The following SUMO4 variants were observed in gnomAD, a reference collection of about 807,000 sequenced individuals.
SUMO4 encodes the protein small ubiquitin like modifier 4.
SUMO4 carries 6 observed loss-of-function variants against 7.7 expected under a neutral mutation model. The observed-to-expected ratio is 0.78, with a 90% confidence interval of 0.43 to 1.53. SUMO4 has a LOEUF of 1.53. Among genes scored for constraint, SUMO4 ranks in the 40% most tolerant of loss-of-function variants. The pLI is 0.01. For synonymous variants in SUMO4, 43 were observed against 41.2 expected (o/e 1.04, Z -0.17); for missense variants, 113 against 113.6 (o/e 0.99, Z 0.03).
Position 149,400,331 on chromosome 6 carries a change from T to G in SUMO4, c.-61T>G. On this transcript the variant is annotated 5_prime_UTR_variant, in exon 1 of 1. Transcript: ENST00000326669. ...GCTCTTCCTGCTGCTCGTGTACTCG[T>G]TAGGTGCGGACCCGCCACCTCTTTT... 6.4e-7 allele frequency: 1 copy of G among 1,557,098 alleles called. No homozygotes were observed. Among genetic ancestry groups the G allele is most frequent in the Non-Finnish European group, 8.7e-7 (1 of 1,145,634 alleles).
At position 149,400,937 on chromosome 6, in the gene SUMO4, G is replaced by A; in HGVS notation, c.*258G>A. ...ATTGACATCAAGTGGAGACAGGATG[G>A]GAAAAAATACTGATTCTGTGAAAAT... On this transcript the variant is annotated 3_prime_UTR_variant, in exon 1 of 1. Transcript: ENST00000326669. The A allele has an allele frequency of 2.3e-6, 1 of 441,438 alleles. No individual in the cohort carries two copies. Among genetic ancestry groups the A allele is most frequent in the Non-Finnish European group, 4.1e-6 (1 of 243,098 alleles). The allele number at this position is 441,438 out of a possible 1,614,324, so 27.3% of individuals were successfully genotyped here. A position where few individuals can be genotyped will look rare whatever the true frequency, so the allele number is the denominator to read the frequency against.
Position 149,400,455 on chromosome 6 carries a change from G to A in SUMO4, c.64G>A (p.Val22Met). ...TENNNHINLK[V>M]AGQDGSVVQF... ...GAACAACAATCATATTAATTTGAAG[G>A]TGGCGGGACAGGATGGTTCTGTGGT... Residue 22 changes from valine (V) to methionine (M), a missense_variant, in exon 1 of 1, where the codon GTG (valine) becomes ATG (methionine). Val to Met is a conservative substitution (Grantham distance 21, BLOSUM62 1). Coordinates refer to ENST00000326669, the MANE Select transcript of SUMO4 (RefSeq NM_001002255.2). The A allele has an allele frequency of 5.0e-6, 8 of 1,614,240 alleles. No individual in the cohort carries two copies. The South Asian group carries it at 8.8e-5, about 18-fold the overall frequency.
In SUMO4 at chr6:149,400,517, A is replaced by G; in HGVS notation, c.126A>G (p.Lys42=). Residue 42 remains lysine (K), a synonymous_variant, in exon 1 of 1, where the codon AAA becomes AAG. Coordinates refer to ENST00000326669, the MANE Select transcript of SUMO4 (RefSeq NM_001002255.2). ...TTAAGAGGCAGACACCACTTAGTAA[A>G]CTAATGAAAGCCTATTGTGAACCAC... ...FKIKRQTPLS[K]LMKAYCEPRG... is the part of the protein sequence containing the mutation. 6.2e-7 allele frequency: 1 copy of G among 1,614,252 alleles called. No homozygotes were observed. The highest frequency in any genetic ancestry group is 8.5e-7 in the Non-Finnish European group (1 of 1,180,040).
In SUMO4 at chr6:149,400,703, C is replaced by T. The variant is rs761269520; in HGVS notation, c.*24C>T. 2.5e-6 allele frequency: 4 copies of T among 1,606,554 alleles called. No homozygotes were observed. Among genetic ancestry groups the T allele is most frequent in the Non-Finnish European group, 3.4e-6 (4 of 1,176,704 alleles). Reference sequence around the variant, plus strand: ...GAAAAGGGAACCTGCTTCTTTACTCCAGAACGCTGTTCTTTAAAGACCAAG... The same window carrying T: ...GAAAAGGGAACCTGCTTCTTTACTCTAGAACGCTGTTCTTTAAAGACCAAG... On this transcript the variant is annotated 3_prime_UTR_variant, in exon 1 of 1. Transcript: ENST00000326669.
rs879136751 is a variant in SUMO4, at chr6:149,400,919, T to C, written c.*240T>C. The C allele has an allele frequency of 2.0e-6, 1 of 494,500 alleles. No individual in the cohort carries two copies. Among genetic ancestry groups the C allele is most frequent in the Non-Finnish European group, 3.6e-6 (1 of 275,476 alleles). 30.6% of individuals were successfully genotyped at this position (494,500 alleles called of 1,614,324 possible). A position where few individuals can be genotyped will look rare whatever the true frequency, so the allele number is the denominator to read the frequency against. On this transcript the variant is annotated 3_prime_UTR_variant, in exon 1 of 1. Coordinates refer to ENST00000326669, the MANE Select transcript of SUMO4 (RefSeq NM_001002255.2). ...AGCCAATGGTATGTTTTGATTGACA[T>C]CAAGTGGAGACAGGATGGGAAAAAA... is the stretch of plus-strand genomic sequence containing the variant.
rs762259994 is a variant in SUMO4 at position 149,400,681 on chromosome 6, A to G, written c.*2A>G. The stretch of plus-strand genomic sequence containing the variant: ...CAGCCTACGGGAGGTGTCTACTGAA[A>G]AGGGAACCTGCTTCTTTACTCCAGA... On this transcript the variant is annotated 3_prime_UTR_variant, in exon 1 of 1. Transcript: ENST00000326669. 2 of 1,613,318 alleles carry G rather than the reference A, an allele frequency of 1.2e-6. No individual in the cohort carries two copies. The highest frequency in any genetic ancestry group is 1.7e-6 in the Non-Finnish European group (2 of 1,179,602).
At position 149,400,682 on chromosome 6, in the gene SUMO4, A is replaced by G. The variant is rs1782353765; in HGVS notation, c.*3A>G. 15 of 1,613,234 alleles carry G rather than the reference A, an allele frequency of 9.3e-6. No homozygotes were observed. Among genetic ancestry groups the G allele is most frequent in the Non-Finnish European group, 1.3e-5 (15 of 1,179,560 alleles). ...AGCCTACGGGAGGTGTCTACTGAAA[A>G]GGGAACCTGCTTCTTTACTCCAGAA... On this transcript the variant is annotated 3_prime_UTR_variant, in exon 1 of 1. Transcript: ENST00000326669.
rs74321444 is a variant in SUMO4 at position 149,400,899 on chromosome 6, A to G, written c.*220A>G. ...CTTTTTTCTTCAAACCAAACAGCCAATGGTATGTTTTGATTGACATCAAGT... is the reference window on the plus strand; with the variant it reads ...CTTTTTTCTTCAAACCAAACAGCCAGTGGTATGTTTTGATTGACATCAAGT... On this transcript the variant is annotated 3_prime_UTR_variant, in exon 1 of 1. Transcript: ENST00000326669. The G allele has an allele frequency of 7.0e-3, 3,898 of 560,686 alleles. 119 individuals carry two copies. The highest frequency in any genetic ancestry group is 0.062 in the African/African-American group (3,275 of 52,534). The allele number at this position is 560,686 out of a possible 1,614,324, so 34.7% of individuals were successfully genotyped here.
rs769921334 is a variant in SUMO4, at chr6:149,400,572, C to T, written c.181C>T (p.Arg61Ter). The change falls in exon 1 of 1, where the codon CGA (arginine) becomes TGA (stop). Residue 61 changes from arginine to a stop codon, truncating the protein, a stop_gained. Transcript: ENST00000326669. LOFTEE classifies it high-confidence loss of function. ...ATTGTCAGTGAAGCAGATCAGATTC[C>T]GATTTGGTGGGCAACCAATCAGTGG... Reference protein sequence around the residue: ...RGLSVKQIRFRFGGQPISGTD... With the variant: ...RGLSVKQIRF 59 of 1,614,040 alleles carry T rather than the reference C, an allele frequency of 3.7e-5. No individual in the cohort carries two copies. The highest frequency in any genetic ancestry group is 4.5e-5 in the East Asian group (2 of 44,898).
In SUMO4 at chr6:149,400,817, C is replaced by T. The variant is rs553548233; in HGVS notation, c.*138C>T. ...AGTTTTCTCTATTCTTTTGTTTCCCCCTTCCACATTCTTTTATTATACATG... is the reference window on the plus strand; with the variant it reads ...AGTTTTCTCTATTCTTTTGTTTCCCTCTTCCACATTCTTTTATTATACATG... On this transcript the variant is annotated 3_prime_UTR_variant, in exon 1 of 1. Transcript: ENST00000326669. 1.3e-4 allele frequency: 127 copies of T among 970,556 alleles called. No homozygotes were observed. Among genetic ancestry groups the T allele is most frequent in the African/African-American group, 1.8e-4 (11 of 60,520 alleles). The allele number at this position is 970,556 out of a possible 1,614,324, so 60.1% of individuals were successfully genotyped here. A position where few individuals can be genotyped will look rare whatever the true frequency, so the allele number is the denominator to read the frequency against.
rs763258079 is a variant in SUMO4 at position 149,400,573 on chromosome 6, G to A, written c.182G>A (p.Arg61Gln). Residue 61 changes from arginine (R) to glutamine (Q), a missense_variant, in exon 1 of 1, where the codon CGA becomes CAA. Arg to Gln is a conservative substitution (Grantham distance 43, BLOSUM62 1). Transcript: ENST00000326669. ...TTGTCAGTGAAGCAGATCAGATTCC[G>A]ATTTGGTGGGCAACCAATCAGTGGA... ...RGLSVKQIRFRFGGQPISGTD... is the reference protein window; with the variant it reads ...RGLSVKQIRFQFGGQPISGTD... 48 of 1,614,086 alleles carry A rather than the reference G, an allele frequency of 3.0e-5. No homozygotes were observed. Among genetic ancestry groups the A allele is most frequent in the South Asian group, 1.2e-4 (11 of 91,086 alleles).
Position 149,400,671 on chromosome 6 carries a change from G to A in SUMO4, c.280G>A (p.Val94Ile), listed in dbSNP as rs145654400. Residue 94 changes from valine (V) to isoleucine (I), a missense_variant, in exon 1 of 1, where the codon GTC (valine) becomes ATC (isoleucine). Transcript: ENST00000326669. Reference sequence around the variant, plus strand: ...TGTGTTTCAACAGCCTACGGGAGGTGTCTACTGAAAAGGGAACCTGCTTCT... The same window carrying A: ...TGTGTTTCAACAGCCTACGGGAGGTATCTACTGAAAAGGGAACCTGCTTCT... ...IDVFQQPTGG[V>I]Y The A allele has an allele frequency of 1.9e-6, 3 of 1,613,726 alleles. No homozygotes were observed. Among genetic ancestry groups the A allele is most frequent in the African/African-American group, 2.7e-5 (2 of 74,934 alleles).
Position 149,401,207 on chromosome 6 carries a change from A to AT in SUMO4, c.*528_*529insT, listed in dbSNP as rs1163401947. 1 of 166,972 alleles carries AT rather than the reference A, an allele frequency of 6.0e-6. No homozygotes were observed. The highest frequency in any genetic ancestry group is 1.5e-5 in the Non-Finnish European group (1 of 68,104). The allele number at this position is 166,972 out of a possible 1,614,324, so 10.3% of individuals were successfully genotyped here. A position where few individuals can be genotyped will look rare whatever the true frequency, so the allele number is the denominator to read the frequency against. Reference sequence around the variant, plus strand: ...AGGGATAAATTACTCTAAAAAAAAAAGAAAGAATCCTAGAAAGTTTTTCCT... The same window carrying AT: ...AGGGATAAATTACTCTAAAAAAAAAATGAAAGAATCCTAGAAAGTTTTTCCT... On this transcript the variant is annotated 3_prime_UTR_variant, in exon 1 of 1. Coordinates refer to ENST00000326669, the MANE Select transcript of SUMO4 (RefSeq NM_001002255.2).
At position 149,400,711 on chromosome 6, in the gene SUMO4, T is replaced by A; in HGVS notation, c.*32T>A. 6.2e-7 allele frequency: 1 copy of A among 1,600,272 alleles called. No homozygotes were observed. Among genetic ancestry groups the A allele is most frequent in the East Asian group, 2.2e-5 (1 of 44,868 alleles). On this transcript the variant is annotated 3_prime_UTR_variant, in exon 1 of 1. Transcript: ENST00000326669. ...AACCTGCTTCTTTACTCCAGAACGC[T>A]GTTCTTTAAAGACCAAGATTACTGC...
rs944719409 is a variant in SUMO4, at chr6:149,400,338, C to T, written c.-54C>T. 1.1e-5 allele frequency: 17 copies of T among 1,577,306 alleles called. No homozygotes were observed. The highest frequency in any genetic ancestry group is 4.0e-5 in the African/African-American group (3 of 74,294). ...CTGCTGCTCGTGTACTCGTTAGGTG[C>T]GGACCCGCCACCTCTTTTGTGAAGC... is the stretch of plus-strand genomic sequence containing the variant. On this transcript the variant is annotated 5_prime_UTR_variant, in exon 1 of 1. Transcript: ENST00000326669.
In SUMO4 at chr6:149,400,490, G is replaced by T. The variant is rs765354962; in HGVS notation, c.99G>T (p.Lys33Asn). Reference protein sequence around the residue: ...AGQDGSVVQFKIKRQTPLSKL... With the variant: ...AGQDGSVVQFNIKRQTPLSKL... Reference sequence around the variant, plus strand: ...AGGATGGTTCTGTGGTGCAGTTTAAGATTAAGAGGCAGACACCACTTAGTA... The same window carrying T: ...AGGATGGTTCTGTGGTGCAGTTTAATATTAAGAGGCAGACACCACTTAGTA... Residue 33 changes from lysine (K) to asparagine (N), a missense_variant, in exon 1 of 1, where the codon AAG becomes AAT. Coordinates refer to ENST00000326669, the MANE Select transcript of SUMO4 (RefSeq NM_001002255.2). 2.0e-5 allele frequency: 32 copies of T among 1,614,104 alleles called. No individual in the cohort carries two copies. The South Asian group carries it at 2.9e-4, about 14-fold the overall frequency.
chr6:149,400,327 C>G lies in SUMO4; in HGVS notation c.-65C>G. On this transcript the variant is annotated 5_prime_UTR_variant, in exon 1 of 1. Coordinates refer to ENST00000326669, the MANE Select transcript of SUMO4 (RefSeq NM_001002255.2). ...TGCTGCTCTTCCTGCTGCTCGTGTACTCGTTAGGTGCGGACCCGCCACCTC... is the reference window on the plus strand; with the variant it reads ...TGCTGCTCTTCCTGCTGCTCGTGTAGTCGTTAGGTGCGGACCCGCCACCTC... 1 of 1,549,496 alleles carries G rather than the reference C, an allele frequency of 6.5e-7. No individual in the cohort carries two copies.
Position 149,400,449 on chromosome 6 carries a change from T to C in SUMO4, c.58T>C (p.Leu20=), listed in dbSNP as rs1782340433. Residue 20 remains leucine, a synonymous_variant, in exon 1 of 1, where the codon TTG becomes CTG. Transcript: ENST00000326669. ...GACTGAGAACAACAATCATATTAAT[T>C]TGAAGGTGGCGGGACAGGATGGTTC... ...VKTENNNHIN[L]KVAGQDGSVV... 1 of 1,614,102 alleles carries C rather than the reference T, an allele frequency of 6.2e-7. No individual in the cohort carries two copies. Among genetic ancestry groups the C allele is most frequent in the South Asian group, 1.1e-5 (1 of 91,086 alleles).
chr6:149,400,527 G>C lies in SUMO4; in HGVS notation c.136G>C (p.Ala46Pro), dbSNP rs1461714170. Residue 46 changes from alanine to proline, a missense_variant, in exon 1 of 1, where the codon GCC becomes CCC. By Grantham distance (27) the Ala-to-Pro change is conservative. Coordinates refer to ENST00000326669, the MANE Select transcript of SUMO4 (RefSeq NM_001002255.2). ...GACACCACTTAGTAAACTAATGAAAGCCTATTGTGAACCACGGGGATTGTC... is the reference window on the plus strand; with the variant it reads ...GACACCACTTAGTAAACTAATGAAACCCTATTGTGAACCACGGGGATTGTC... The part of the protein sequence containing the change: ...RQTPLSKLMK[A>P]YCEPRGLSVK... 6.2e-7 allele frequency: 1 copy of C among 1,614,118 alleles called. No individual in the cohort carries two copies. Among genetic ancestry groups the C allele is most frequent in the Non-Finnish European group, 8.5e-7 (1 of 1,180,052 alleles).
Sources: gnomAD v4.1 joint callset for allele counts on GRCh38, gnomAD v4.1.1 for gene constraint, MANE v1.5 for transcripts, NCBI Gene and HGNC (gene_info 2026-07-23, HGNC 2026-07-21) for gene names.